TMEM168: variants seen among roughly 807,000 people sequenced by gnomAD.
The protein encoded by TMEM168 is transmembrane protein 168.
In TMEM168, 40 loss-of-function variants were observed where a neutral mutation model predicts 53.2. That is an observed-to-expected ratio of 0.75 (90% CI 0.58 to 0.98). The LOEUF is 0.98. Among genes scored for constraint, TMEM168 ranks in the 50% least tolerant of loss-of-function variants. The probability of loss-of-function intolerance (pLI) is 0.00; values close to 1 mark genes in which losing one functional copy is unlikely to be tolerated. For missense variants in TMEM168, 771 were observed against 828.8 expected, an observed-to-expected ratio of 0.93 and a Z score of 0.86; for synonymous variants, 282 against 293.0, an observed-to-expected ratio of 0.96 and a Z score of 0.38.
In TMEM168 at chr7:112,767,539, C is replaced by G. The variant is rs545242366; in HGVS notation, c.1752G>C (p.Gln584His). ...TVDIEEADPPQLGDFTKDWVE... is the reference protein window; with the variant it reads ...TVDIEEADPPHLGDFTKDWVE... ...CCCAGTCTTTTGTAAAGTCACCTAG[C>G]TGTGGCGGGTCAGCTTCTTCAATAT... The change falls in exon 5 of 5, where the codon CAG (glutamine) becomes CAC (histidine). Residue 584 changes from glutamine (Q) to histidine (H), a missense_variant. Transcript: ENST00000312814. The G allele has an allele frequency of 2.5e-6, 4 of 1,614,154 alleles. No individual in the cohort carries two copies. The South Asian group carries it at 3.3e-5, about 13-fold the overall frequency.
In TMEM168 at chr7:112,767,667, T is replaced by A. The variant is rs776701543; in HGVS notation, c.1624A>T (p.Ile542Phe). Reference protein sequence around the residue: ...KNGSFCSRLIIVLDSENSTPW... With the variant: ...KNGSFCSRLIFVLDSENSTPW... Reference sequence around the variant, plus strand: ...GTTGAATTTTCGCTGTCTAATACGATAATAAGCCGGGAACAAAAGGAACCA... The same window carrying A: ...GTTGAATTTTCGCTGTCTAATACGAAAATAAGCCGGGAACAAAAGGAACCA... Residue 542 changes from isoleucine (I) to phenylalanine (F), a missense_variant, in exon 5 of 5, where the codon ATC becomes TTC. Physicochemically the swap from Ile to Phe is conservative, Grantham distance 21 (BLOSUM62 0). Coordinates refer to ENST00000312814, the MANE Select transcript of TMEM168 (RefSeq NM_022484.6). The A allele has an allele frequency of 1.2e-6, 2 of 1,613,984 alleles. No individual in the cohort carries two copies. Among genetic ancestry groups the A allele is most frequent in the East Asian group, 4.5e-5 (2 of 44,884 alleles).
At position 112,765,435 on chromosome 7, in the gene TMEM168, T is replaced by A. The variant is rs1300630758; in HGVS notation, c.*1762A>T. ...TGGCTTTCTTAAAGTGAAGAGATAA[T>A]GCTTTAAAGCTAACCTGCTCACAAA... On this transcript the variant is annotated 3_prime_UTR_variant, in exon 5 of 5. Transcript: ENST00000312814. The A allele has an allele frequency of 1.3e-5, 2 of 152,186 alleles. No homozygotes were observed. Among genetic ancestry groups the A allele is most frequent in the Non-Finnish European group, 2.9e-5 (2 of 68,014 alleles). 9.4% of individuals were successfully genotyped at this position (152,186 alleles called of 1,614,324 possible).
intron 2 of TMEM168, among the ~76,000 whole-genome samples, chr7:112,779,188 G>A (rs1793167119): frequency 6.6e-6 from 1 of 151,982 alleles, no homozygotes; most frequent in South Asian, 2.1e-4. Flanking sequence ...ATCATGCCTG[G>A]CCCTGTCATA....
intron 4 of TMEM168, among the ~76,000 whole-genome samples, chr7:112,772,428 G>GA (rs1792951672): frequency 1.3e-5 from 2 of 152,170 alleles, no homozygotes; most frequent in Admixed American, 6.5e-5. Flanking sequence ...CTACAGATGT[G>GA]AAGGACTACT....
chr7:112,762,439 T>C lies in TMEM168; in HGVS notation c.*4758A>G, dbSNP rs1330308227. On this transcript the variant is annotated 3_prime_UTR_variant, in exon 5 of 5. Transcript: ENST00000312814. ...AAAATATTTTTGAACTTAGAAAAGT[T>C]TACTTGGCATTGAGTGAACACTGCT... The C allele has an allele frequency of 2.0e-5, 3 of 152,050 alleles. No individual in the cohort carries two copies. Among genetic ancestry groups the C allele is most frequent in the African/African-American group, 7.2e-5 (3 of 41,432 alleles). The allele number at this position is 152,050 out of a possible 1,614,324, so 9.4% of individuals were successfully genotyped here.
rs1171918759 is a variant in TMEM168, at chr7:112,763,683, G to A, written c.*3514C>T. Reference sequence around the variant, plus strand: ...AGTAATGTAGAATATTACTTTAAAAGAGACTAAGCTATAAATTTGAATACA... The same window carrying A: ...AGTAATGTAGAATATTACTTTAAAAAAGACTAAGCTATAAATTTGAATACA... On this transcript the variant is annotated 3_prime_UTR_variant, in exon 5 of 5. Transcript: ENST00000312814. 1 of 151,944 alleles carries A rather than the reference G, an allele frequency of 6.6e-6. No individual in the cohort carries two copies. Among genetic ancestry groups the A allele is most frequent in the Non-Finnish European group, 1.5e-5 (1 of 67,976 alleles). The allele number at this position is 151,944 out of a possible 1,614,324, so 9.4% of individuals were successfully genotyped here.
chr7:112,779,201 T>C (rs1197040889), intron 2 of TMEM168, among the ~76,000 whole-genome samples: 2 of 152,194 alleles, frequency 1.3e-5, no homozygotes, highest in Non-Finnish European at 2.9e-5. Flanking sequence ...CTGTCATACA[T>C]TTTTAGAAAG....
intron 1 of TMEM168, 41 bp downstream of exon 1, chr7:112,790,119 C>G (rs1793508022): frequency 6.6e-6 from 1 of 152,498 alleles, no homozygotes. Context: ...AGTGTCTATG[C>G]CTAGATCTCG....
rs765544866 is a variant in TMEM168, at chr7:112,773,050, T to C, written c.1277A>G (p.Asp426Gly). 3.7e-6 allele frequency: 6 copies of C among 1,601,838 alleles called. No individual in the cohort carries two copies. Among genetic ancestry groups the C allele is most frequent in the Non-Finnish European group, 5.1e-6 (6 of 1,170,924 alleles). The change falls in exon 4 of 5, where the codon GAT becomes GGT. Residue 426 changes from aspartate to glycine, a missense_variant. Coordinates refer to ENST00000312814, the MANE Select transcript of TMEM168 (RefSeq NM_022484.6). ...IVIPTNFCSP[D>G]GQPTLLPPEH... ...TGGGGGAAGCAGTGTTGGCTGACCA[T>C]CAGGACTGAAGTAGGAGAAAAAACA...
rs76032206 is a variant in TMEM168 at position 112,789,372 on chromosome 7, G to A, written c.-129+788C>T. On this transcript the variant is annotated intron_variant, in intron 1 of 4. Coordinates refer to ENST00000312814, the MANE Select transcript of TMEM168 (RefSeq NM_022484.6). ...ACACCCAGTGACTAGCAAAAATCCGGCATCAAGAAGGTATTCAATAAATAC... is the reference window on the plus strand; with the variant it reads ...ACACCCAGTGACTAGCAAAAATCCGACATCAAGAAGGTATTCAATAAATAC... Among the ~76,000 whole-genome samples, 76 of 152,128 alleles carry A rather than the reference G, an allele frequency of 5.0e-4. 3 individuals are homozygous for A. In the East Asian group the frequency reaches 0.01, roughly 21 times the overall value.
At position 112,764,123 on chromosome 7, in the gene TMEM168, A is replaced by G. The variant is rs1200056062; in HGVS notation, c.*3074T>C. The G allele has an allele frequency of 6.8e-6, 1 of 146,256 alleles. No individual in the cohort carries two copies. Among genetic ancestry groups the G allele is most frequent in the Admixed American group, 6.9e-5 (1 of 14,452 alleles). The allele number at this position is 146,256 out of a possible 1,614,324, so 9.1% of individuals were successfully genotyped here. On this transcript the variant is annotated 3_prime_UTR_variant, in exon 5 of 5. Coordinates refer to ENST00000312814, the MANE Select transcript of TMEM168 (RefSeq NM_022484.6). ...GCACATGTACCCTAAAACTTAAAGTATAATAATAATAAAATTAAAATAAAT... is the reference window on the plus strand; with the variant it reads ...GCACATGTACCCTAAAACTTAAAGTGTAATAATAATAAAATTAAAATAAAT...
In TMEM168 at chr7:112,766,290, A is replaced by AAAAT. The variant is rs1181839359; in HGVS notation, c.*903_*906dup. The AAAAT allele has an allele frequency of 6.6e-6, 1 of 152,508 alleles. No individual in the cohort carries two copies. The highest frequency in any genetic ancestry group is 1.5e-5 in the Non-Finnish European group (1 of 68,002). 9.4% of individuals were successfully genotyped at this position (152,508 alleles called of 1,614,324 possible). On this transcript the variant is annotated 3_prime_UTR_variant, in exon 5 of 5. Coordinates refer to ENST00000312814, the MANE Select transcript of TMEM168 (RefSeq NM_022484.6). The stretch of plus-strand genomic sequence containing the variant: ...AATGTTATCACTAACAAGGATCAGA[A>AAAAT]AAATAATTTTCAAGGCAGAGCATTA...
intron 1 of TMEM168, among the ~76,000 whole-genome samples, chr7:112,785,752 C>T (rs1024291421): frequency 6.6e-5 from 10 of 152,068 alleles, no homozygotes; most frequent in Non-Finnish European, 1.0e-4. Flanking sequence ...AGTGGACCCA[C>T]GAAATTAAAG....
At chr7:112,772,134 T>G (rs370806535) in intron 4 of TMEM168, among the ~76,000 whole-genome samples, 5 of 152,164 alleles carry the variant, frequency 3.3e-5, no homozygotes, top group African/African-American at 1.2e-4. Flanking sequence ...AGTTTTCTAT[T>G]TCCCATAATG....
rs767698881 is a variant in TMEM168 at position 112,784,875 on chromosome 7, G to T, written c.-50C>A. The stretch of plus-strand genomic sequence containing the variant: ...CTCACGTTACAAAAATTAACCGCTT[G>T]TATTTCATCCAGTATATCCAATGTA... On this transcript the variant is annotated 5_prime_UTR_variant, in exon 2 of 5. It introduces an in-frame stop codon into an upstream open reading frame of the 5' UTR. Transcript: ENST00000312814. 1 of 1,485,138 alleles carries T rather than the reference G, an allele frequency of 6.7e-7. No homozygotes were observed. Among genetic ancestry groups the T allele is most frequent in the Non-Finnish European group, 8.9e-7 (1 of 1,123,664 alleles). The allele number at this position is 1,485,138 out of a possible 1,614,324, so 92.0% of individuals were successfully genotyped here.
intron 1 of TMEM168, among the ~76,000 whole-genome samples, chr7:112,789,197 G>A (rs973567648): frequency 6.6e-6 from 1 of 151,666 alleles, no homozygotes; most frequent in African/African-American, 2.4e-5. Flanking sequence ...AACTCTTCAG[G>A]TCTCAGATAA....
chr7:112,763,016 A>T lies in TMEM168; in HGVS notation c.*4181T>A, dbSNP rs950735836. On this transcript the variant is annotated 3_prime_UTR_variant, in exon 5 of 5. Coordinates refer to ENST00000312814, the MANE Select transcript of TMEM168 (RefSeq NM_022484.6). ...CAAATTCCTTCTTTGTTCATCAGTC[A>T]GACTTTTAATAATTTCCATTTCTGG... 5 of 152,064 alleles carry T rather than the reference A, an allele frequency of 3.3e-5. No individual in the cohort carries two copies. Among genetic ancestry groups the T allele is most frequent in the African/African-American group, 9.7e-5 (4 of 41,428 alleles). 9.4% of individuals were successfully genotyped at this position (152,064 alleles called of 1,614,324 possible).
intron 1 of TMEM168, 140 bp downstream of exon 1, chr7:112,790,017 CACT>C (rs1311931158): frequency 6.6e-6 from 1 of 152,268 alleles, no homozygotes; most frequent in Non-Finnish European, 1.5e-5. Flanking sequence ...CTCCAACCAC[CACT>C]GTCAACTCCT....
rs1440718322 is a variant in TMEM168 at position 112,765,313 on chromosome 7, G to C, written c.*1884C>G. ...ACAGGAAATACATATGAAAAAGTTAGGTTTGTGGCTGTCAAACTGTCAGCT... is the reference window on the plus strand; with the variant it reads ...ACAGGAAATACATATGAAAAAGTTACGTTTGTGGCTGTCAAACTGTCAGCT... On this transcript the variant is annotated 3_prime_UTR_variant, in exon 5 of 5. Transcript: ENST00000312814. The C allele has an allele frequency of 2.6e-5, 4 of 152,136 alleles. No individual in the cohort carries two copies. The highest frequency in any genetic ancestry group is 2.6e-4 in the Admixed American group (4 of 15,274). The allele number at this position is 152,136 out of a possible 1,614,324, so 9.4% of individuals were successfully genotyped here. A position where few individuals can be genotyped will look rare whatever the true frequency, so the allele number is the denominator to read the frequency against.
Sources: gnomAD v4.1 joint callset for allele counts (sites outside exome capture counted in the v4.1 genomes callset) on GRCh38, gnomAD v4.1.1 for gene constraint, MANE v1.5 for transcripts, NCBI Gene and HGNC (gene_info 2026-07-23, HGNC 2026-07-21) for gene names.